PPFIA1: variants seen among roughly 807,000 people sequenced by gnomAD.
The protein encoded by PPFIA1 is PPFI scaffold protein A1.
A neutral mutation model predicts 149.9 loss-of-function variants in PPFIA1; 25 were observed. The observed-to-expected ratio is 0.17, with a 90% CI of 0.12 to 0.23. The LOEUF is 0.23. Ranked by LOEUF, PPFIA1 falls within the 10% of genes least tolerant of loss-of-function variation. The pLI, the probability that PPFIA1 is intolerant of heterozygous loss-of-function variation, is 1.00. For synonymous variants in PPFIA1, 549 were observed against 552.8 expected (o/e 0.99, Z 0.10); for missense variants, 1,362 against 1,506.5 (o/e 0.90, Z 1.59).
In PPFIA1 at chr11:70,370,579, A is replaced by T. The variant is rs182080533; in HGVS notation, c.2866-1636A>T. 4.6e-3 allele frequency among the ~76,000 whole-genome samples: 702 copies of T among 151,862 alleles called. 10 individuals carry two copies. Among genetic ancestry groups the T allele is most frequent in the African/African-American group, 0.016 (660 of 41,428 alleles). ...TTTTTGTATCTTTAGTAGAGATGGG[A>T]TTTCACTATGTTGGCGAGGCTGGTG... On this transcript the variant is annotated intron_variant, in intron 21 of 27. Coordinates refer to ENST00000253925, the MANE Select transcript of PPFIA1 (RefSeq NM_003626.5).
intron 24 of PPFIA1, chr11:70,375,544 T>C (rs1017200037): frequency 6.6e-6 from 1 of 152,282 alleles, no homozygotes; most frequent in African/African-American, 2.4e-5. Context: ...TCCCAACACT[T>C]TGGGAGGCCC....
intron 2 of PPFIA1, chr11:70,320,165 G>A (rs2053852247): frequency 6.6e-6 from 1 of 152,230 alleles, no homozygotes; most frequent in Non-Finnish European, 1.5e-5. Flanking sequence ...CTTGTGCTTT[G>A]ATGCATCTCC....
chr11:70,348,398 A>G lies in PPFIA1; in HGVS notation c.2141A>G (p.Asp714Gly). Residue 714 changes from aspartate to glycine, a missense_variant, in exon 16 of 28, where the codon GAC (aspartate) becomes GGC (glycine). Asp to Gly is a moderately conservative substitution (Grantham distance 94). This residue lies in a region of PPFIA1 where 733 missense variants were observed against 744.1 expected (regional missense o/e 0.99). Transcript: ENST00000253925. ...RIPHSPAREV[D>G]RLGVMTLLPP... Reference sequence around the variant, plus strand: ...CCTCACAGCCCAGCTCGGGAAGTGGACAGACTGGGCGTCATGACCCTTGTA... The same window carrying G: ...CCTCACAGCCCAGCTCGGGAAGTGGGCAGACTGGGCGTCATGACCCTTGTA... 1 of 1,612,130 alleles carries G rather than the reference A, an allele frequency of 6.2e-7. No homozygotes were observed.
chr11:70,342,142 AG>A (rs1325343168), intron 14 of PPFIA1: 1 of 152,564 alleles, frequency 6.6e-6, no homozygotes, highest in African/African-American at 2.4e-5. Context: ...TGGTGTTTTA[AG>A]GTGAGATGGG....
intron 2 of PPFIA1, among the ~76,000 whole-genome samples, chr11:70,303,220 C>G (rs545694222): frequency 2.9e-4 from 44 of 152,104 alleles, no homozygotes; most frequent in Non-Finnish European, 6.0e-4. Context: ...GCAGCCCTAC[C>G]GCGTGTTCGA....
At chr11:70,274,575 G>A (rs1229783179) in intron 2 of PPFIA1, among the ~76,000 whole-genome samples, 1 of 152,194 alleles carries the variant, frequency 6.6e-6, no homozygotes, top group East Asian at 1.9e-4. Flanking sequence ...GTGAGATGCA[G>A]CTTGCTCATT....
chr11:70,292,129 G>T (rs567668137), intron 2 of PPFIA1, among the ~76,000 whole-genome samples: 28 of 152,146 alleles, frequency 1.8e-4, no homozygotes, highest in Non-Finnish European at 2.9e-4. Context: ...GAGCCACCGC[G>T]CTTGGCCAGT....
In PPFIA1 at chr11:70,348,434, C is replaced by G. The variant is rs1435124793; in HGVS notation, c.2163+14C>G. On this transcript the variant is annotated intron_variant, in intron 16 of 27. Coordinates refer to ENST00000253925, the MANE Select transcript of PPFIA1 (RefSeq NM_003626.5). ...GTCATGACCCTTGTACGTATCCGCCCTTTCCCTGCTGTGGCTGCCCTCAGC... is the reference window on the plus strand; with the variant it reads ...GTCATGACCCTTGTACGTATCCGCCGTTTCCCTGCTGTGGCTGCCCTCAGC... 1.9e-6 allele frequency: 3 copies of G among 1,569,126 alleles called. No homozygotes were observed. The highest frequency in any genetic ancestry group is 2.6e-6 in the Non-Finnish European group (3 of 1,140,074).
At chr11:70,299,574 G>A (rs559460373) in intron 2 of PPFIA1, among the ~76,000 whole-genome samples, 6 of 152,164 alleles carry the variant, frequency 3.9e-5, no homozygotes, top group Admixed American at 1.3e-4. Context: ...TGGATGCTCC[G>A]GGGACCTCAG....
chr11:70,296,574 C>T (rs1027218993), intron 2 of PPFIA1, among the ~76,000 whole-genome samples: 2 of 151,734 alleles, frequency 1.3e-5, no homozygotes, highest in Non-Finnish European at 2.9e-5. Flanking sequence ...CGCAGGCACT[C>T]GGCAGGCTGA....
chr11:70,309,164 A>G (rs915706733), intron 2 of PPFIA1, among the ~76,000 whole-genome samples: 5 of 151,858 alleles, frequency 3.3e-5, no homozygotes, highest in Admixed American at 6.6e-5. Flanking sequence ...GTTTTGAAAC[A>G]TACATGCTAA....
intron 8 of PPFIA1, 44 bp from the exon 9 acceptor site, chr11:70,331,916 C>T (rs1014399286): frequency 6.3e-7 from 1 of 1,576,348 alleles, no homozygotes; most frequent in African/African-American, 1.4e-5. Context: ...AACTGATCAG[C>T]TAGAAGATTT....
At chr11:70,362,237 T>C (rs758012927) in intron 20 of PPFIA1, 51 bp from the exon 21 acceptor site, 2 of 1,613,160 alleles carry the variant, frequency 1.2e-6, no homozygotes, top group Non-Finnish European at 1.7e-6. Flanking sequence ...ACTGTTCTAC[T>C]TTGTAGACTG....
At chr11:70,296,620 G>T (rs965500128) in intron 2 of PPFIA1, among the ~76,000 whole-genome samples, 1 of 151,674 alleles carries the variant, frequency 6.6e-6, no homozygotes, top group Non-Finnish European at 1.5e-5. Context: ...GCAGTGAGCC[G>T]AGATGGCAGC....
chr11:70,287,770 A>C (rs757795791), intron 2 of PPFIA1, among the ~76,000 whole-genome samples: 2 of 151,586 alleles, frequency 1.3e-5, no homozygotes, highest in Non-Finnish European at 2.9e-5. Flanking sequence ...CAGCCTGTTG[A>C]GCAGCTGGGA....
intron 2 of PPFIA1, among the ~76,000 whole-genome samples, chr11:70,310,706 T>C (rs924583383): frequency 3.3e-5 from 5 of 152,140 alleles, no homozygotes; most frequent in Non-Finnish European, 2.9e-5. Context: ...CTAAAAGCAC[T>C]AAGGGCTTTT....
At chr11:70,279,210 AC>A in intron 2 of PPFIA1, 1 of 387,572 alleles carries the variant, frequency 2.6e-6, no homozygotes, top group South Asian at 3.7e-5. Flanking sequence ...AATACGGCCC[AC>A]CAGGAACTGC....
At position 70,382,122 on chromosome 11, in the gene PPFIA1, TAC is replaced by T. The variant is rs2057736812; in HGVS notation, c.3587_3588del (p.Thr1196SerfsTer20). 2.5e-6 allele frequency: 4 copies of T among 1,614,064 alleles called. No individual in the cohort carries two copies. Among genetic ancestry groups the T allele is most frequent in the Non-Finnish European group, 3.4e-6 (4 of 1,179,990 alleles). On this transcript the variant is annotated frameshift_variant, in exon 27 of 28. Transcript: ENST00000253925. LOFTEE classifies it high-confidence loss of function. Reference sequence around the variant, plus strand: ...CAGGAACACAGAGGTTGGATTCTGCTACAGTCAGGACTTACTCCTGCTAAAGT... The same window carrying T: ...CAGGAACACAGAGGTTGGATTCTGCTAGTCAGGACTTACTCCTGCTAAAGT... Reference protein sequence around the residue: ...VSGTQRLDSATVRTYSC With the variant: ...VSGTQRLDSAXVRTYSC
chr11:70,342,618 C>T (rs954214077), intron 14 of PPFIA1, among the ~76,000 whole-genome samples: 1 of 151,876 alleles, frequency 6.6e-6, no homozygotes, highest in Non-Finnish European at 1.5e-5. Flanking sequence ...TCAGGTAGGG[C>T]GGGATGTGGA....
Sources: allele counts gnomAD v4.1 joint callset (sites outside exome capture counted in the v4.1 genomes callset), GRCh38; gene constraint gnomAD v4.1.1; regional missense constraint gnomAD v4.1.1; transcripts MANE v1.5; gene names NCBI Gene and HGNC (gene_info 2026-07-23, HGNC 2026-07-21).